Variants in ARAP2 observed in about 807,000 individuals in gnomAD.
ARAP2 encodes the protein ArfGAP with RhoGAP domain, ankyrin repeat and PH domain 2.
In ARAP2, 148 loss-of-function variants were observed where a neutral mutation model predicts 194.5. The observed-to-expected ratio is 0.76, with a 90% confidence interval of 0.67 to 0.87. ARAP2 has a LOEUF of 0.87. Among genes scored for constraint, ARAP2 ranks in the 40% least tolerant of loss-of-function variants. ARAP2 has a pLI of 0.00. For synonymous variants in ARAP2, 695 were observed against 683.5 expected, an observed-to-expected ratio of 1.02 and a Z score of -0.26; for missense variants, 2,128 against 1,989.7, an observed-to-expected ratio of 1.07 and a Z score of -1.32.
chr4:36,006,878 A>G (rs1713386589), intron 10 of ARAP2: 1 of 152,112 alleles, frequency 6.6e-6, no homozygotes, highest in Non-Finnish European at 1.5e-5. Flanking sequence ...GATAACAAAT[A>G]AAATTTTTAA....
At chr4:36,219,107 C>T (rs1748617829) in intron 2 of ARAP2, among the ~76,000 whole-genome samples, 1 of 152,146 alleles carries the variant, frequency 6.6e-6, no homozygotes, top group Admixed American at 6.5e-5. Flanking sequence ...GAGGAATGCA[C>T]ATACACTGTT....
chr4:36,041,071 C>T (rs557302291), intron 5 of ARAP2, among the ~76,000 whole-genome samples: 1 of 152,034 alleles, frequency 6.6e-6, no homozygotes, highest in East Asian at 1.9e-4. Flanking sequence ...GGAAAGCCTG[C>T]ATTTATCTAT....
At chr4:36,015,637 A>T (rs999096887) in intron 7 of ARAP2, 12 of 152,198 alleles carry the variant, frequency 7.9e-5, no homozygotes, top group Non-Finnish European at 1.6e-4. Flanking sequence ...CAAAATCTGC[A>T]AGGTAATTCA....
In ARAP2 at chr4:36,244,220, GC is replaced by G. The variant is rs1754185784; in HGVS notation, c.-202del. The G allele has an allele frequency of 6.6e-6, 1 of 152,010 alleles. No homozygotes were observed. Among genetic ancestry groups the G allele is most frequent in the Non-Finnish European group, 1.5e-5 (1 of 67,978 alleles). 9.4% of individuals were successfully genotyped at this position (152,010 alleles called of 1,614,324 possible). On this transcript the variant is annotated 5_prime_UTR_variant, in exon 1 of 33. Coordinates refer to ENST00000303965, the MANE Select transcript of ARAP2 (RefSeq NM_015230.4). ...GGAGTTCGAAAAGCGAGGTGAGGCG[GC>G]GCTGGGAAGCTCAGCGCCGGCGTCT...
In ARAP2 at chr4:36,151,306, A is replaced by T. The variant is rs1578083776; in HGVS notation, c.2753-262T>A. 2.0e-5 allele frequency among the ~76,000 whole-genome samples: 3 copies of T among 152,342 alleles called. No homozygotes were observed. The East Asian group carries it at 5.8e-4, about 29-fold the overall frequency. On this transcript the variant is annotated intron_variant, in intron 15 of 32. Transcript: ENST00000303965. The stretch of plus-strand genomic sequence containing the variant: ...GATAACCAGAGAAGGCAGAGCTGTA[A>T]AGAGGTTGCTGAAAAACAACTCTGA...
chr4:36,076,019 T>C (rs1728177478), intron 31 of ARAP2, among the ~76,000 whole-genome samples: 1 of 152,168 alleles, frequency 6.6e-6, no homozygotes, highest in African/African-American at 2.4e-5. Context: ...AATCCAACAA[T>C]TATTACTGAT....
intron 9 of ARAP2, among the ~76,000 whole-genome samples, chr4:36,007,923 A>G (rs1230267372): frequency 6.6e-6 from 1 of 152,152 alleles, no homozygotes; most frequent in Non-Finnish European, 1.5e-5. Context: ...AGCCAAATCA[A>G]GAAGGCAATC....
At chr4:36,105,279 C>T (rs939139725) in intron 27 of ARAP2, among the ~76,000 whole-genome samples, 10 of 152,006 alleles carry the variant, frequency 6.6e-5, no homozygotes, top group Middle Eastern at 3.2e-3. Context: ...GAGATCACGC[C>T]ACCGGTGGCA....
chr4:36,055,495 G>T (rs1160390674), intron 2 of ARAP2, among the ~76,000 whole-genome samples: 3 of 152,106 alleles, frequency 2.0e-5, no homozygotes, highest in Non-Finnish European at 4.4e-5. Flanking sequence ...ATTCAACTCA[G>T]CAGTCTCATA....
chr4:36,052,787 A>G (rs1261002092), intron 2 of ARAP2, among the ~76,000 whole-genome samples: 1 of 152,046 alleles, frequency 6.6e-6, no homozygotes, highest in Non-Finnish European at 1.5e-5. Context: ...GCACGGTGAA[A>G]CCCCGTCTCT....
intron 28 of ARAP2, among the ~76,000 whole-genome samples, chr4:36,088,349 T>C (rs1480987003): frequency 6.6e-6 from 1 of 152,070 alleles, no homozygotes; most frequent in East Asian, 1.9e-4. Context: ...ACTAGAATAA[T>C]AAGCTGTGAA....
At chr4:36,149,649 T>G (rs949737195) in intron 16 of ARAP2, among the ~76,000 whole-genome samples, 1 of 152,192 alleles carries the variant, frequency 6.6e-6, no homozygotes, top group Non-Finnish European at 1.5e-5. Flanking sequence ...CATTTACTAC[T>G]TAGTAACTTA....
intron 26 of ARAP2, among the ~76,000 whole-genome samples, chr4:36,109,707 G>A (rs1560449217): frequency 6.6e-6 from 1 of 151,758 alleles, no homozygotes; most frequent in Non-Finnish European, 1.5e-5. Flanking sequence ...TTTATGTATG[G>A]CTTTAAATAT....
Position 36,210,229 on chromosome 4 carries a change from A to T in ARAP2, c.1487+161T>A, listed in dbSNP as rs1292616427. Among the ~76,000 whole-genome samples the T allele has an allele frequency of 2.0e-5, 3 of 152,286 alleles. No individual in the cohort carries two copies. The East Asian group carries it at 5.8e-4, about 29-fold the overall frequency. ...ATCTCTCTCCTTATGTCTAAAGAAT[A>T]GCACTGGCAAAAGTGTGCTGAAAGT... On this transcript the variant is annotated intron_variant, in intron 6 of 32. Coordinates refer to ENST00000303965, the MANE Select transcript of ARAP2 (RefSeq NM_015230.4).
At chr4:36,070,932 G>A (rs1406872886) in intron 32 of ARAP2, among the ~76,000 whole-genome samples, 1 of 152,096 alleles carries the variant, frequency 6.6e-6, no homozygotes, top group Non-Finnish European at 1.5e-5. Flanking sequence ...TGAGAGCTTG[G>A]GAGGGGACCC....
Position 36,048,315 on chromosome 4 carries a change from G to A in ARAP2, n.370-1466C>T, listed in dbSNP as rs115534421. On this transcript the variant is annotated intron_variant and non_coding_transcript_variant, in intron 3 of 12. Transcript: ENST00000503225. ...TGTATTGAATGATGCTGCAGTTTAG[G>A]TTATGAATTATCATCACCAAATAGG... Among the ~76,000 whole-genome samples, 279 of 152,224 alleles carry A rather than the reference G, an allele frequency of 1.8e-3. 1 individual carries two copies. Among genetic ancestry groups the A allele is most frequent in the African/African-American group, 6.6e-3 (273 of 41,546 alleles).
chr4:36,155,454 C>T (rs1732031511), intron 15 of ARAP2, among the ~76,000 whole-genome samples: 1 of 152,024 alleles, frequency 6.6e-6, no homozygotes, highest in Admixed American at 6.6e-5. Flanking sequence ...GGGAAGTGCC[C>T]TCTTTGCATA....
chr4:36,145,531 G>T (rs1262778696), intron 19 of ARAP2, among the ~76,000 whole-genome samples: 1 of 151,844 alleles, frequency 6.6e-6, no homozygotes, highest in African/African-American at 2.4e-5. Flanking sequence ...TCCAAAAGTG[G>T]GGACCAAAGG....
intron 2 of ARAP2, among the ~76,000 whole-genome samples, chr4:36,053,206 A>G (rs984635766): frequency 1.2e-4 from 18 of 151,876 alleles, no homozygotes; most frequent in Non-Finnish European, 7.4e-5. Flanking sequence ...TGGTTTTACC[A>G]TCTTGGCCAG....
Sources: allele counts gnomAD v4.1 joint callset (sites outside exome capture counted in the v4.1 genomes callset), GRCh38; gene constraint gnomAD v4.1.1; transcripts MANE v1.5; gene names NCBI Gene and HGNC (gene_info 2026-07-23, HGNC 2026-07-21).